CNTNAP2: variants seen among roughly 807,000 people sequenced by gnomAD.
CNTNAP2 encodes contactin associated protein 2.
In CNTNAP2, 98 loss-of-function variants were observed where a neutral mutation model predicts 155.2. That is an observed-to-expected ratio of 0.63 (90% CI 0.54 to 0.75). CNTNAP2 has a LOEUF of 0.75. Among genes scored for constraint, CNTNAP2 ranks in the 30% least tolerant of loss-of-function variants. The pLI, the probability that CNTNAP2 is intolerant of heterozygous loss-of-function variation, is 0.00. For synonymous variants in CNTNAP2, 651 were observed against 631.2 expected, an observed-to-expected ratio of 1.03 and a Z score of -0.47; for missense variants, 1,727 against 1,688.1, an observed-to-expected ratio of 1.02 and a Z score of -0.40.
At chr7:147,630,892 A>G (rs1023112577) in intron 12 of CNTNAP2, among the ~76,000 whole-genome samples, 7 of 152,150 alleles carry the variant, frequency 4.6e-5, no homozygotes, top group Non-Finnish European at 1.0e-4. Context: ...AGTTGAAAGC[A>G]TTCATCCTGA....
chr7:148,415,334 A>C (rs1445265382), intron 23 of CNTNAP2, 83 bp from the exon 24 acceptor site: 3 of 1,393,200 alleles, frequency 2.2e-6, no homozygotes, highest in Non-Finnish European at 3.0e-6. Flanking sequence ...GCTGTGTCTG[A>C]CGGAGCTGTA....
At chr7:147,881,823 T>C (rs1799527331) in intron 13 of CNTNAP2, among the ~76,000 whole-genome samples, 1 of 151,854 alleles carries the variant, frequency 6.6e-6, no homozygotes, top group Non-Finnish European at 1.5e-5. Flanking sequence ...AATACAAAAA[T>C]TAGCCAGGCC....
intron 3 of CNTNAP2, among the ~76,000 whole-genome samples, chr7:146,921,769 C>T (rs2129220184): frequency 6.6e-6 from 1 of 152,166 alleles, no homozygotes; most frequent in East Asian, 1.9e-4. Flanking sequence ...TTCAGGTGGC[C>T]TGAGTCTCCT....
At chr7:147,597,111 C>G (rs1800839681) in intron 12 of CNTNAP2, among the ~76,000 whole-genome samples, 1 of 152,248 alleles carries the variant, frequency 6.6e-6, no homozygotes, top group South Asian at 2.1e-4. Context: ...CAGGGCTGCT[C>G]TCCCTATGGA....
At chr7:147,757,696 T>G (rs1797232335) in intron 13 of CNTNAP2, among the ~76,000 whole-genome samples, 1 of 152,216 alleles carries the variant, frequency 6.6e-6, no homozygotes, top group South Asian at 2.1e-4. Context: ...ACATACTCCA[T>G]AGTTGGTTTC....
chr7:146,816,945 A>C lies in CNTNAP2; in HGVS notation c.209-22766A>C, dbSNP rs748593043. Among the ~76,000 whole-genome samples, 4 of 152,206 alleles carry C rather than the reference A, an allele frequency of 2.6e-5. No individual in the cohort carries two copies. In the East Asian group the frequency reaches 7.7e-4, roughly 29 times the overall value. On this transcript the variant is annotated intron_variant, in intron 2 of 23. Transcript: ENST00000361727. ...TCATAGATAATAAGTTCCCAATAAA[A>C]GCTGTTACTTTAAAATCATTTAATT...
At chr7:146,790,018 G>T (rs1369152876) in intron 2 of CNTNAP2, among the ~76,000 whole-genome samples, 5 of 151,792 alleles carry the variant, frequency 3.3e-5, no homozygotes, top group African/African-American at 1.2e-4. Flanking sequence ...TCAAATAAAG[G>T]ATTCAGCATT....
intron 1 of CNTNAP2, among the ~76,000 whole-genome samples, chr7:146,635,018 T>C (rs1799574542): frequency 6.6e-6 from 1 of 152,146 alleles, no homozygotes; most frequent in Admixed American, 6.6e-5. Context: ...AGTCATGTAT[T>C]TTCTGTAAGA....
At chr7:146,221,257 C>T (rs1388128739) in intron 1 of CNTNAP2, among the ~76,000 whole-genome samples, 1 of 152,104 alleles carries the variant, frequency 6.6e-6, no homozygotes, top group Non-Finnish European at 1.5e-5. Flanking sequence ...TCAATAACTG[C>T]AACAATTTAT....
In CNTNAP2 at chr7:146,839,711, G is replaced by C. The variant is rs752339208; in HGVS notation, c.209G>C (p.Gly70Ala). The change falls in exon 3 of 24, where the codon GGT becomes GCT. Residue 70 changes from glycine to alanine, a missense_variant and splice_region_variant. Transcript: ENST00000361727. ...CCATCTTACCTCTGCCCATCTTCAG[G>C]TGCTGGGGGATGGTCTCCATCAGAC... ...PGYAKINKRGGAGGWSPSDSD... is the reference protein window; with the variant it reads ...PGYAKINKRGAAGGWSPSDSD... The C allele has an allele frequency of 6.2e-7, 1 of 1,614,070 alleles. No individual in the cohort carries two copies. Among genetic ancestry groups the C allele is most frequent in the East Asian group, 2.2e-5 (1 of 44,868 alleles).
At chr7:147,275,529 T>C (rs929433527) in intron 8 of CNTNAP2, among the ~76,000 whole-genome samples, 4 of 152,132 alleles carry the variant, frequency 2.6e-5, no homozygotes, top group Non-Finnish European at 5.9e-5. Context: ...ACATTGATTT[T>C]GTATCCTGAA....
intron 1 of CNTNAP2, among the ~76,000 whole-genome samples, chr7:146,179,763 T>C (rs1181202975): frequency 6.6e-6 from 1 of 152,138 alleles, no homozygotes; most frequent in Non-Finnish European, 1.5e-5. Flanking sequence ...CCTTTCAAAA[T>C]TTAATTATTG....
rs559054974 is a variant in CNTNAP2, at chr7:148,055,023, C to T, written c.2384-63095C>T. ...TCAGCCTCCCAAGTAGCTGGGATTA[C>T]AAGTGGACACCACCACGCCTGGCTA... is the stretch of plus-strand genomic sequence containing the variant. On this transcript the variant is annotated intron_variant, in intron 15 of 23. Coordinates refer to ENST00000361727, the MANE Select transcript of CNTNAP2 (RefSeq NM_014141.6). 2.9e-3 allele frequency among the ~76,000 whole-genome samples: 440 copies of T among 151,938 alleles called. 9 individuals are homozygous for T. The highest frequency in any genetic ancestry group is 0.025 in the South Asian group (122 of 4,806).
At chr7:147,445,864 G>A (rs1311805601) in intron 10 of CNTNAP2, among the ~76,000 whole-genome samples, 1 of 152,014 alleles carries the variant, frequency 6.6e-6, no homozygotes, top group Non-Finnish European at 1.5e-5. Context: ...GCATGAACAT[G>A]GCTCAGGGTA....
chr7:146,614,535 G>A (rs73166314), intron 1 of CNTNAP2, among the ~76,000 whole-genome samples: 5,870 of 152,200 alleles, frequency 0.039, 151 homozygotes, highest in Non-Finnish European at 0.049. Flanking sequence ...CAGTGTTTGG[G>A]GAAAAGGGCC....
chr7:147,093,563 G>T (rs978383209), intron 4 of CNTNAP2, among the ~76,000 whole-genome samples: 1 of 152,128 alleles, frequency 6.6e-6, no homozygotes, highest in Non-Finnish European at 1.5e-5. Flanking sequence ...AGGTTTCAGT[G>T]AGCCTCTGGT....
intron 11 of CNTNAP2, among the ~76,000 whole-genome samples, chr7:147,511,229 G>A (rs532262500): frequency 3.9e-5 from 6 of 152,002 alleles, no homozygotes; most frequent in African/African-American, 1.4e-4. Context: ...AGTGACAAAA[G>A]GTGATACATT....
chr7:147,156,519 T>C (rs1287996067), intron 8 of CNTNAP2, among the ~76,000 whole-genome samples: 1 of 152,202 alleles, frequency 6.6e-6, no homozygotes, highest in East Asian at 1.9e-4. Flanking sequence ...ACCTGACTTC[T>C]CTTGCTTTTG....
chr7:146,910,546 C>G (rs1796250483), intron 3 of CNTNAP2, among the ~76,000 whole-genome samples: 1 of 151,290 alleles, frequency 6.6e-6, no homozygotes, highest in African/African-American at 2.5e-5. Context: ...GAAAAACAAG[C>G]ATTGGGGAAA....
Sources: gnomAD v4.1 joint callset for allele counts (sites outside exome capture counted in the v4.1 genomes callset) on GRCh38, gnomAD v4.1.1 for gene constraint, MANE v1.5 for transcripts, NCBI Gene and HGNC (gene_info 2026-07-23, HGNC 2026-07-21) for gene names.